Variants in ATP2C2 observed in about 807,000 individuals in gnomAD.
ATP2C2 encodes calcium-transporting ATPase type 2C member 2.
ATP2C2 carries 171 observed loss-of-function variants against 110.8 expected under a neutral mutation model. The ratio of observed to expected loss-of-function variants is 1.54; its 90% CI spans 1.36 to 1.75. The LOEUF (loss-of-function observed/expected upper bound fraction) is 1.75. Among genes scored for constraint, ATP2C2 ranks in the 40% most tolerant of loss-of-function variants. The pLI is 0.00. For synonymous variants in ATP2C2, 804 were observed against 508.4 expected, an observed-to-expected ratio of 1.58 and a Z score of -7.82; for missense variants, 1,963 against 1,235.0, an observed-to-expected ratio of 1.59 and a Z score of -8.84.
chr16:84,375,832 A>G (rs1180703808), intron 1 of ATP2C2, among the ~76,000 whole-genome samples: 1 of 152,142 alleles, frequency 6.6e-6, no homozygotes, highest in Non-Finnish European at 1.5e-5. Flanking sequence ...TCCAGCCACA[A>G]ATATGGTTTA....
At chr16:84,398,016 C>A (rs1905097140) in intron 1 of ATP2C2, among the ~76,000 whole-genome samples, 1 of 151,788 alleles carries the variant, frequency 6.6e-6, no homozygotes, top group Non-Finnish European at 1.5e-5. Context: ...GGGGACCAGT[C>A]ATATCTGTTT....
chr16:84,392,864 G>A (rs751621037), intron 1 of ATP2C2, among the ~76,000 whole-genome samples: 12 of 152,174 alleles, frequency 7.9e-5, no homozygotes, highest in South Asian at 2.1e-4. Context: ...GTCATTCAAC[G>A]TGTCTATTAT....
intron 11 of ATP2C2, among the ~76,000 whole-genome samples, chr16:84,438,172 C>A (rs1030789984): frequency 3.3e-5 from 5 of 152,210 alleles, no homozygotes; most frequent in African/African-American, 1.2e-4. Flanking sequence ...TTTGTTTTTA[C>A]ATTTTTTAAA....
intron 1 of ATP2C2, among the ~76,000 whole-genome samples, chr16:84,386,224 T>C (rs959109691): frequency 6.6e-6 from 1 of 152,204 alleles, no homozygotes; most frequent in Non-Finnish European, 1.5e-5. Flanking sequence ...TGTTACTGGG[T>C]GCCATGGCTC....
At chr16:84,413,574 T>G (rs549968341) in intron 6 of ATP2C2, among the ~76,000 whole-genome samples, 1 of 152,366 alleles carries the variant, frequency 6.6e-6, no homozygotes, top group East Asian at 1.9e-4. Context: ...TGTGATTTGA[T>G]GATCCGATCT....
Position 84,368,662 on chromosome 16 carries a change from C to A in ATP2C2, c.47C>A (p.Ser16Ter), listed in dbSNP as rs761124822. The A allele has an allele frequency of 8.0e-5, 125 of 1,564,048 alleles. No homozygotes were observed. The highest frequency in any genetic ancestry group is 1.0e-4 in the Non-Finnish European group (118 of 1,156,698). The change falls in exon 1 of 27, where the codon TCG becomes TAG. Residue 16 changes from serine to a stop codon, truncating the protein, a stop_gained. Transcript: ENST00000262429. LOFTEE classifies it high-confidence loss of function. ...VSEFLKKLGF[S>*]GGGRQYQALE... ...GAGTTCCTGAAGAAACTCGGCTTCT[C>A]GGGCGGGGGCCGCCAGTACCAGGCG...
chr16:84,454,801 G>A lies in ATP2C2; in HGVS notation c.1981-17G>A, dbSNP rs1473885354. 1 of 1,571,326 alleles carries A rather than the reference G, an allele frequency of 6.4e-7. No homozygotes were observed. The highest frequency in any genetic ancestry group is 1.4e-5 in the African/African-American group (1 of 72,950). ...GGTCGTCAGGCTGCAGGCCTTCATT[G>A]CCTGCTCTTTCCAAAGGCTCTGCAG... On this transcript the variant is annotated splice_polypyrimidine_tract_variant and intron_variant, in intron 20 of 26. Transcript: ENST00000262429.
intron 1 of ATP2C2, among the ~76,000 whole-genome samples, chr16:84,393,151 G>C (rs1904761119): frequency 6.6e-6 from 1 of 152,210 alleles, no homozygotes; most frequent in African/African-American, 2.4e-5. Flanking sequence ...GGCCGTACCA[G>C]AGTCTGTAGT....
chr16:84,443,992 A>C (rs1560249), intron 15 of ATP2C2, among the ~76,000 whole-genome samples: 28,887 of 150,952 alleles, frequency 0.19, 3,357 homozygotes, highest in East Asian at 0.53. Flanking sequence ...CATAGCGAAA[A>C]CCCATCTCTA....
chr16:84,421,285 G>C (rs1291592778), intron 7 of ATP2C2, among the ~76,000 whole-genome samples: 5 of 152,262 alleles, frequency 3.3e-5, no homozygotes, highest in African/African-American at 1.2e-4. Context: ...TCGCCTCCCT[G>C]ACGCTGTGGG....
chr16:84,388,517 C>A (rs1238201595), intron 1 of ATP2C2, among the ~76,000 whole-genome samples: 2 of 152,096 alleles, frequency 1.3e-5, no homozygotes, highest in African/African-American at 2.4e-5. Context: ...CTCTGAGAAT[C>A]CTGGAATAAG....
intron 11 of ATP2C2, among the ~76,000 whole-genome samples, chr16:84,437,830 A>T (rs1362723935): frequency 6.6e-6 from 1 of 152,178 alleles, no homozygotes; most frequent in African/African-American, 2.4e-5. Flanking sequence ...ACATTTTCTT[A>T]TCGCCTCAAA....
chr16:84,413,386 C>G (rs938238598), intron 6 of ATP2C2, among the ~76,000 whole-genome samples: 1 of 151,940 alleles, frequency 6.6e-6, no homozygotes, highest in South Asian at 2.1e-4. Flanking sequence ...GACGAAGGAC[C>G]AAATAGGGAC....
intron 1 of ATP2C2, among the ~76,000 whole-genome samples, chr16:84,386,993 T>G (rs1055722146): frequency 6.6e-6 from 1 of 152,198 alleles, no homozygotes; most frequent in Non-Finnish European, 1.5e-5. Flanking sequence ...CTTCCCCATT[T>G]TCCCACACTG....
intron 2 of ATP2C2, 147 bp downstream of exon 2, chr16:84,398,756 G>C (rs774362790): frequency 4.0e-4 from 255 of 636,062 alleles, no homozygotes; most frequent in Non-Finnish European, 5.8e-4. Flanking sequence ...ATGTTGAATG[G>C]TTCAGATTCC....
Position 84,459,289 on chromosome 16 carries a change from C to T in ATP2C2, c.2236C>T (p.Leu746Phe). Reference protein sequence around the residue: ...QLSTSISALSLITLSTVFNLP... With the variant: ...QLSTSISALSFITLSTVFNLP... Reference sequence around the variant, plus strand: ...CCGCAGGAGCATCTCCGCCCTGAGTCTCATCACTCTGTCCACCGTGTTCAA... The same window carrying T: ...CCGCAGGAGCATCTCCGCCCTGAGTTTCATCACTCTGTCCACCGTGTTCAA... The change falls in exon 23 of 27, where the codon CTC becomes TTC. Residue 746 changes from leucine (L) to phenylalanine (F), a missense_variant. By Grantham distance (22) the Leu-to-Phe change is conservative. Transcript: ENST00000262429. 6.2e-7 allele frequency: 1 copy of T among 1,614,212 alleles called. No homozygotes were observed. The highest frequency in any genetic ancestry group is 1.6e-4 in the Middle Eastern group (1 of 6,062).
Position 84,422,427 on chromosome 16 carries a change from G to T in ATP2C2, c.662G>T (p.Gly221Val). 1.2e-6 allele frequency: 2 copies of T among 1,614,088 alleles called. No homozygotes were observed. Among genetic ancestry groups the T allele is most frequent in the Non-Finnish European group, 1.7e-6 (2 of 1,179,994 alleles). Residue 221 changes from glycine (G) to valine (V), a missense_variant, in exon 8 of 27, where the codon GGG becomes GTG. Coordinates refer to ENST00000262429, the MANE Select transcript of ATP2C2 (RefSeq NM_014861.4). The stretch of plus-strand genomic sequence containing the variant: ...TTGGTGGATGAATCCAGTTTCACCG[G>T]GGAAGCCGAGCCATGTAGTAAAACA... ...DLLVDESSFTGEAEPCSKTDS... is the reference protein window; with the variant it reads ...DLLVDESSFTVEAEPCSKTDS...
intron 1 of ATP2C2, among the ~76,000 whole-genome samples, chr16:84,390,024 C>T (rs996801255): frequency 7.2e-5 from 11 of 152,164 alleles, no homozygotes; most frequent in African/African-American, 2.7e-4. Context: ...TGTCCAGTCT[C>T]ACTTTCCTTT....
At chr16:84,447,678 C>CATATATTATTTAATATATATTATGTAAT (rs56664017) in intron 16 of ATP2C2, among the ~76,000 whole-genome samples, 2,909 of 141,728 alleles carry the variant, frequency 0.021, 120 homozygotes, top group African/African-American at 0.074. Flanking sequence ...ACATATATTA[C>CATATATTATTTAATATATATTATGTAAT]ATATATTATT....
Sources: gnomAD v4.1 joint callset for allele counts (sites outside exome capture counted in the v4.1 genomes callset) on GRCh38, gnomAD v4.1.1 for gene constraint, MANE v1.5 for transcripts, NCBI Gene and HGNC (gene_info 2026-07-23, HGNC 2026-07-21) for gene names.